SLC25A48: variants seen among roughly 807,000 people sequenced by gnomAD.
SLC25A48 encodes the protein CTC-321K16.1.
Under a neutral mutation model 32.2 loss-of-function variants are expected in SLC25A48, and 29 were observed. The ratio of observed to expected loss-of-function variants is 0.90; its 90% confidence interval spans 0.67 to 1.23. The LOEUF (loss-of-function observed/expected upper bound fraction) is 1.23, where lower values mean the gene tolerates loss of function less well. Among genes scored for constraint, SLC25A48 ranks in the 50% most tolerant of loss-of-function variants. SLC25A48 has a pLI of 0.00. For missense variants in SLC25A48, 399 were observed against 422.7 expected, an observed-to-expected ratio of 0.94 and a Z score of 0.49; for synonymous variants, 164 against 172.3, an observed-to-expected ratio of 0.95 and a Z score of 0.38.
In SLC25A48 at chr5:135,765,468, C is replaced by G. The variant is rs557519631; in HGVS notation, c.-520-47055C>G. 2.0e-5 allele frequency among the ~76,000 whole-genome samples: 3 copies of G among 151,318 alleles called. No homozygotes were observed. The South Asian group carries it at 6.3e-4, about 32-fold the overall frequency. On this transcript the variant is annotated intron_variant, in intron 3 of 10. Coordinates refer to the SLC25A48 transcript ENST00000646290. ...CACCATATCGCAGGGCGTGTACACCCCCTTGTGAAATTGTTGGTAATATCC... is the reference window on the plus strand; with the variant it reads ...CACCATATCGCAGGGCGTGTACACCGCCTTGTGAAATTGTTGGTAATATCC...
At chr5:135,818,054 C>CCTCTCTCTCTCT (rs58632457) in intron 4 of SLC25A48, among the ~76,000 whole-genome samples, 3 of 80,666 alleles carry the variant, frequency 3.7e-5, no homozygotes, top group African/African-American at 1.0e-4. Context: ...TCTCTCTGTT[C>CCTCTCTCTCTCT]CTCTCTCTCT....
intron 3 of SLC25A48, among the ~76,000 whole-genome samples, chr5:135,713,932 G>T (rs1361823234): frequency 6.6e-6 from 1 of 152,220 alleles, no homozygotes; most frequent in Admixed American, 6.5e-5. Flanking sequence ...AGCTGTTCCA[G>T]GAGATGGAAA....
intron 3 of SLC25A48, among the ~76,000 whole-genome samples, chr5:135,685,510 G>A (rs1231483794): frequency 6.8e-6 from 1 of 147,152 alleles, no homozygotes; most frequent in Admixed American, 6.9e-5. Flanking sequence ...TTGGCGCACT[G>A]CAACCTCTGC....
chr5:135,804,944 G>A (rs1757427986), intron 3 of SLC25A48, among the ~76,000 whole-genome samples: 1 of 151,416 alleles, frequency 6.6e-6, no homozygotes, highest in Non-Finnish European at 1.5e-5. Context: ...TAGTTTCACA[G>A]TAAGTGTACA....
rs1402681382 is a variant in SLC25A48 at position 135,876,128 on chromosome 5, C to CTTTTTTTTTTTT, written c.813+1976_813+1977insTTTTTTTTTTTT. The stretch of plus-strand genomic sequence containing the variant: ...TTGTCTTTTGTATCTTTTTTTTCTT[C>CTTTTTTTTTTTT]TTCTTTTTTTTTTTTTTTTTTTTTT... On this transcript the variant is annotated intron_variant, in intron 6 of 7. Coordinates refer to ENST00000681962, the MANE Select transcript of SLC25A48 (RefSeq NM_001349336.2). 147 of 47,824 alleles carry CTTTTTTTTTTTT rather than the reference C, an allele frequency of 3.1e-3. 4 individuals are homozygous for CTTTTTTTTTTTT. Among genetic ancestry groups the CTTTTTTTTTTTT allele is most frequent in the East Asian group, 8.1e-3 (7 of 860 alleles). 3.0% of individuals were successfully genotyped at this position (47,824 alleles called of 1,614,324 possible).
At chr5:135,822,790 C>G (rs1316677021) in intron 4 of SLC25A48, among the ~76,000 whole-genome samples, 10 of 152,134 alleles carry the variant, frequency 6.6e-5, no homozygotes, top group Middle Eastern at 3.2e-3. Context: ...TGGGTCAGAC[C>G]TGGGTGCTGC....
intron 3 of SLC25A48, among the ~76,000 whole-genome samples, chr5:135,812,125 G>A (rs1272844024): frequency 3.3e-5 from 5 of 151,928 alleles, no homozygotes; most frequent in Non-Finnish European, 5.9e-5. Flanking sequence ...ATATTTAAGG[G>A]ATTTTATTTA....
chr5:135,613,843 G>A (rs1424353857), intron 1 of SLC25A48, among the ~76,000 whole-genome samples: 1 of 152,166 alleles, frequency 6.6e-6, no homozygotes, highest in Non-Finnish European at 1.5e-5. Flanking sequence ...GGTTACTGTA[G>A]CCTTGTAATA....
At chr5:135,771,809 TA>T (rs34407946) in intron 3 of SLC25A48, among the ~76,000 whole-genome samples, 45,621 of 150,652 alleles carry the variant, frequency 0.3, 7,041 homozygotes, top group East Asian at 0.46. Context: ...TTGTAATATT[TA>T]GGGGGGGGAG....
chr5:135,867,766 A>G (rs1037573037), intron 4 of SLC25A48, among the ~76,000 whole-genome samples: 1 of 152,206 alleles, frequency 6.6e-6, no homozygotes, highest in African/African-American at 2.4e-5. Context: ...TATCTCAGGT[A>G]TATTTATGCT....
chr5:135,865,226 G>C (rs1761094855), intron 4 of SLC25A48, among the ~76,000 whole-genome samples: 1 of 152,114 alleles, frequency 6.6e-6, no homozygotes, highest in Non-Finnish European at 1.5e-5. Flanking sequence ...GCAAATCCAG[G>C]GCTCTTTCTA....
chr5:135,700,327 A>AC (rs1754361819), intron 3 of SLC25A48, among the ~76,000 whole-genome samples: 1 of 127,778 alleles, frequency 7.8e-6, no homozygotes, highest in African/African-American at 2.9e-5. Flanking sequence ...AGCCGAGATC[A>AC]TGCCACTGCA....
chr5:135,785,589 G>A (rs1411078925), intron 3 of SLC25A48, among the ~76,000 whole-genome samples: 2 of 149,374 alleles, frequency 1.3e-5, no homozygotes, highest in African/African-American at 2.5e-5. Flanking sequence ...CCCATGGGGC[G>A]AGGGGTGGAA....
intron 4 of SLC25A48, among the ~76,000 whole-genome samples, chr5:135,821,265 A>G (rs906169427): frequency 9.9e-5 from 15 of 152,202 alleles, no homozygotes; most frequent in African/African-American, 3.6e-4. Flanking sequence ...GGGACAAAGC[A>G]GATGTCCTAC....
chr5:135,583,071 C>G (rs1378675432), intron 1 of SLC25A48, among the ~76,000 whole-genome samples: 1 of 152,144 alleles, frequency 6.6e-6, no homozygotes, highest in Non-Finnish European at 1.5e-5. Context: ...GGTTCACTCC[C>G]TATCTGTGGA....
chr5:135,688,429 TC>T (rs1193923978), intron 3 of SLC25A48, among the ~76,000 whole-genome samples: 1 of 152,208 alleles, frequency 6.6e-6, no homozygotes, highest in Non-Finnish European at 1.5e-5. Flanking sequence ...TCCAAAGTGC[TC>T]CTTGTGTTTC....
chr5:135,833,047 G>T (rs1032216849), upstream of SLC25A48, among the ~76,000 whole-genome samples: 1 of 152,258 alleles, frequency 6.6e-6, no homozygotes, highest in Admixed American at 6.5e-5. Flanking sequence ...CCAGCATTCT[G>T]CCTGGGCTCA....
At chr5:135,735,809 C>A (rs1306181220) in intron 3 of SLC25A48, among the ~76,000 whole-genome samples, 1 of 152,064 alleles carries the variant, frequency 6.6e-6, no homozygotes, top group Non-Finnish European at 1.5e-5. Context: ...TATTGGAATT[C>A]CTGTATATAT....
chr5:135,871,809 G>A, intron 5 of SLC25A48, 91 bp downstream of exon 5: 1 of 1,577,748 alleles, frequency 6.3e-7, no homozygotes, highest in South Asian at 1.2e-5. Context: ...AGCCCAGGGG[G>A]AGGGCAGGAC....
Sources: gnomAD v4.1 joint callset for allele counts (sites outside exome capture counted in the v4.1 genomes callset) on GRCh38, gnomAD v4.1.1 for gene constraint, MANE v1.5 for transcripts, NCBI Gene and HGNC (gene_info 2026-07-23, HGNC 2026-07-21) for gene names.